Variants in CTNNA2 observed in about 807,000 individuals in gnomAD.
CTNNA2 encodes the protein catenin alpha 2, also known as catenin alpha-2.
Under a neutral mutation model 101.0 loss-of-function variants are expected in CTNNA2, and 42 were observed. The observed-to-expected ratio is 0.42, with a 90% CI of 0.32 to 0.54. The LOEUF (loss-of-function observed/expected upper bound fraction) is 0.54, where lower values mean the gene tolerates loss of function less well. Ranked by LOEUF, CTNNA2 falls within the 20% of genes least tolerant of loss-of-function variation. The pLI is 0.14. For synonymous variants in CTNNA2, 450 were observed against 456.4 expected, an observed-to-expected ratio of 0.99 and a Z score of 0.18; for missense variants, 871 against 1,223.1, an observed-to-expected ratio of 0.71 and a Z score of 4.29.
At chr2:80,546,139 T>C in intron 11 of CTNNA2, 76 bp downstream of exon 11, 1 of 1,544,582 alleles carries the variant, frequency 6.5e-7, no homozygotes, top group African/African-American at 1.4e-5. Flanking sequence ...GTCTCGCAAA[T>C]GTCATGGATC....
chr2:80,619,037 T>TG, intron 17 of CTNNA2, 48 bp from the exon 18 acceptor site: 1 of 1,211,830 alleles, frequency 8.3e-7, no homozygotes, highest in Non-Finnish European at 1.1e-6. Flanking sequence ...TTTTTTTTTC[T>TG]TTTGCTCTCT....
chr2:80,452,013 G>A (rs1683558033), intron 9 of CTNNA2, among the ~76,000 whole-genome samples: 1 of 152,126 alleles, frequency 6.6e-6, no homozygotes, highest in African/African-American at 2.4e-5. Flanking sequence ...ATATATCAAA[G>A]CATATTAAAT....
At chr2:80,228,751 A>C (rs2149069431) in intron 7 of CTNNA2, among the ~76,000 whole-genome samples, 1 of 152,288 alleles carries the variant, frequency 6.6e-6, no homozygotes, top group East Asian at 1.9e-4. Flanking sequence ...AGAAGCACAT[A>C]AGACAAAATA....
At chr2:79,482,264 G>C (rs532692311) in intron 4 of CTNNA2, among the ~76,000 whole-genome samples, 2 of 152,260 alleles carry the variant, frequency 1.3e-5, no homozygotes, top group East Asian at 3.9e-4. Context: ...CAAAGGATTA[G>C]GAGTTGGAGA....
intron 9 of CTNNA2, among the ~76,000 whole-genome samples, chr2:80,520,794 G>A (rs1689480248): frequency 1.3e-5 from 2 of 152,172 alleles, no homozygotes; most frequent in African/African-American, 2.4e-5. Flanking sequence ...GAAGCCGGCT[G>A]CACCTGCTTC....
At chr2:80,544,486 T>C (rs1293969937) in intron 9 of CTNNA2, among the ~76,000 whole-genome samples, 1 of 152,074 alleles carries the variant, frequency 6.6e-6, no homozygotes, top group African/African-American at 2.4e-5. Context: ...AATATTTGAG[T>C]TGGCTATTAG....
intron 7 of CTNNA2, among the ~76,000 whole-genome samples, chr2:80,311,423 T>G (rs1677576051): frequency 1.3e-5 from 2 of 152,198 alleles, no homozygotes; most frequent in Admixed American, 1.3e-4. Context: ...GGCCCCGACC[T>G]GTATTTCTGT....
intron 7 of CTNNA2, among the ~76,000 whole-genome samples, chr2:80,250,048 T>C (rs544590642): frequency 6.6e-6 from 1 of 152,248 alleles, no homozygotes; most frequent in African/African-American, 2.4e-5. Flanking sequence ...ATGGAATCAT[T>C]TGCTTCTTGT....
At chr2:80,223,640 C>A (rs1708705387) in intron 7 of CTNNA2, among the ~76,000 whole-genome samples, 1 of 152,198 alleles carries the variant, frequency 6.6e-6, no homozygotes, top group Non-Finnish European at 1.5e-5. Context: ...CTCAAGAGTT[C>A]TGTGTTCTTG....
At chr2:80,110,984 G>A (rs1159423565) in intron 7 of CTNNA2, among the ~76,000 whole-genome samples, 1 of 152,166 alleles carries the variant, frequency 6.6e-6, no homozygotes, top group Non-Finnish European at 1.5e-5. Context: ...TTATGATCGT[G>A]GTGGAAGGGG....
Position 80,289,790 on chromosome 2 carries a change from GA to G in CTNNA2, c.1057-103415del, listed in dbSNP as rs35647394. On this transcript the variant is annotated intron_variant, in intron 7 of 18. Transcript: ENST00000402739. ...GGGTCAGACTGTGTTATACGGTAGG[GA>G]AAAAAGTCAACTGACAGGAGGGACT... Among the ~76,000 whole-genome samples the G allele has an allele frequency of 2.6e-4, 39 of 152,248 alleles. No individual in the cohort carries two copies. The East Asian group carries it at 6.4e-3, about 25-fold the overall frequency.
At chr2:79,220,178 A>G (rs1028992727) in intron 2 of CTNNA2, among the ~76,000 whole-genome samples, 13 of 150,394 alleles carry the variant, frequency 8.6e-5, no homozygotes, top group African/African-American at 1.7e-4. Flanking sequence ...GTGTGTGTGT[A>G]TATATATATG....
chr2:79,535,572 A>G (rs1362016658), intron 1 of CTNNA2, among the ~76,000 whole-genome samples: 1 of 152,178 alleles, frequency 6.6e-6, no homozygotes, highest in Non-Finnish European at 1.5e-5. Context: ...AAAACTTGAC[A>G]TTTAAAAAAA....
chr2:79,551,145 T>C (rs1674075049), intron 1 of CTNNA2, among the ~76,000 whole-genome samples: 1 of 152,012 alleles, frequency 6.6e-6, no homozygotes, highest in Non-Finnish European at 1.5e-5. Context: ...CTGAGGTGAG[T>C]CTCTACCAAA....
chr2:79,623,367 C>T (rs1679110595), intron 1 of CTNNA2, among the ~76,000 whole-genome samples: 1 of 152,030 alleles, frequency 6.6e-6, no homozygotes, highest in Non-Finnish European at 1.5e-5. Flanking sequence ...GGCAAGTAGC[C>T]CATGTACAAT....
intron 3 of CTNNA2, among the ~76,000 whole-genome samples, chr2:79,333,788 T>C (rs1676929722): frequency 6.6e-6 from 1 of 152,100 alleles, no homozygotes; most frequent in South Asian, 2.1e-4. Context: ...TAACAAAAAT[T>C]ATCTCTCAAT....
chr2:79,790,193 T>A (rs1405551553), intron 3 of CTNNA2, among the ~76,000 whole-genome samples: 1 of 152,106 alleles, frequency 6.6e-6, no homozygotes, highest in Non-Finnish European at 1.5e-5. Flanking sequence ...AGTAAAAAGA[T>A]ACAAATGAAA....
intron 7 of CTNNA2, among the ~76,000 whole-genome samples, chr2:80,023,829 T>C (rs535010028): frequency 6.6e-6 from 1 of 152,332 alleles, no homozygotes; most frequent in South Asian, 2.1e-4. Context: ...GGCTCATGCC[T>C]GTAATCCCAG....
intron 7 of CTNNA2, among the ~76,000 whole-genome samples, chr2:80,025,078 G>C (rs1025427773): frequency 2.0e-5 from 3 of 152,156 alleles, no homozygotes; most frequent in Admixed American, 6.5e-5. Context: ...CTGAAGTCAA[G>C]CTGCTTCTCT....
Sources: gnomAD v4.1 joint callset for allele counts (sites outside exome capture counted in the v4.1 genomes callset) on GRCh38, gnomAD v4.1.1 for gene constraint, MANE v1.5 for transcripts, NCBI Gene and HGNC (gene_info 2026-07-23, HGNC 2026-07-21) for gene names.